The following POTEF variants were observed in gnomAD, a reference collection of about 807,000 sequenced individuals.
POTEF encodes the protein POTE ankyrin domain family member F, also known as ANKRD26-like family C member 1B.
In POTEF, 20 loss-of-function variants were observed where a neutral mutation model predicts 83.2. That is an observed-to-expected ratio of 0.24 (90% CI 0.17 to 0.35). The LOEUF is 0.35. Ranked by LOEUF, POTEF falls within the 10% of genes least tolerant of loss-of-function variation. POTEF has a pLI of 1.00. For synonymous variants in POTEF, 196 were observed against 446.4 expected (o/e 0.44, Z 7.07); for missense variants, 550 against 1,203.2 (o/e 0.46, Z 8.03).
Position 130,113,341 on chromosome 2 carries a change from CA to C in POTEF, c.811-1241del, listed in dbSNP as rs3030046. 2.2e-3 allele frequency among the ~76,000 whole-genome samples: 181 copies of C among 80,908 alleles called. 10 individuals are homozygous for C. The South Asian group carries it at 0.036, about 16-fold the overall frequency. The allele number at this position is 80,908 out of a possible 152,430, so 53.1% of individuals were successfully genotyped here. A position where few individuals can be genotyped will look rare whatever the true frequency, so the allele number is the denominator to read the frequency against. ...TGGGAAACAGAGTGAGACCCCATCT[CA>C]AAAAAAAAAAAAAGTCAGATTAATG... is the stretch of plus-strand genomic sequence containing the variant. On this transcript the variant is annotated intron_variant, in intron 5 of 16. Transcript: ENST00000409914.
At chr2:130,121,445 G>A (rs1222577503) in intron 2 of POTEF, among the ~76,000 whole-genome samples, 45 of 111,208 alleles carry the variant, frequency 4.0e-4, no homozygotes, top group African/African-American at 1.6e-3. Flanking sequence ...CTGGGAGCTC[G>A]GGCTGACGGA....
At chr2:130,119,388 A>G (rs1005596497) in intron 3 of POTEF, among the ~76,000 whole-genome samples, 33 of 151,998 alleles carry the variant, frequency 2.2e-4, no homozygotes, top group Non-Finnish European at 4.0e-4. Context: ...GGATGGTCTC[A>G]ATCTCCTGAC....
At chr2:130,104,670 T>G (rs1350065276) in intron 8 of POTEF, among the ~76,000 whole-genome samples, 1 of 151,622 alleles carries the variant, frequency 6.6e-6, no homozygotes, top group African/African-American at 2.4e-5. Context: ...CTCGCTCTTT[T>G]CTGGCAGCTG....
rs1684440225 is a variant in POTEF at position 130,103,843 on chromosome 2, T to C, written c.1127-1663A>G. Among the ~76,000 whole-genome samples, 3 of 138,978 alleles carry C rather than the reference T, an allele frequency of 2.2e-5. No individual in the cohort carries two copies. In the Admixed American group the frequency reaches 2.2e-4, roughly 10 times the overall value. The allele number at this position is 138,978 out of a possible 152,430, so 91.2% of individuals were successfully genotyped here. Reference sequence around the variant, plus strand: ...GCGAGGCCTGAAAGAGTGAAAGTATTTGCCTACAATAGGAGGATGAGTGAG... The same window carrying C: ...GCGAGGCCTGAAAGAGTGAAAGTATCTGCCTACAATAGGAGGATGAGTGAG... On this transcript the variant is annotated intron_variant, in intron 8 of 16. Transcript: ENST00000409914.
chr2:130,118,130 T>G (rs1684890169), intron 3 of POTEF, among the ~76,000 whole-genome samples: 1 of 151,662 alleles, frequency 6.6e-6, no homozygotes. Context: ...TTAGTAGAGA[T>G]GGGATTTCAC....
chr2:130,108,326 G>A (rs544646158), intron 7 of POTEF, among the ~76,000 whole-genome samples: 2,606 of 151,630 alleles, frequency 0.017, 40 homozygotes, highest in African/African-American at 0.061. Flanking sequence ...GCTAGCATTA[G>A]CATGACATAA....
Position 130,115,255 on chromosome 2 carries a change from G to A in POTEF, c.595C>T (p.Leu199Phe). The A allele has an allele frequency of 6.2e-7, 1 of 1,612,800 alleles. No homozygotes were observed. Among genetic ancestry groups the A allele is most frequent in the East Asian group, 2.2e-5 (1 of 44,878 alleles). Residue 199 changes from leucine (L) to phenylalanine (F), a missense_variant, in exon 4 of 17, where the codon CTT becomes TTT. Coordinates refer to ENST00000409914, the MANE Select transcript of POTEF (RefSeq NM_001099771.2). ...CTCTTTTTGTTGTCAAGGACATTAA[G>A]TTGACATCGTCTGTCCAGCAGGAGT... is the stretch of plus-strand genomic sequence containing the variant. ...VKLLLDRRCQ[L>F]NVLDNKKRTA...
intron 2 of POTEF, among the ~76,000 whole-genome samples, chr2:130,123,651 T>C (rs981113910): frequency 6.6e-6 from 1 of 151,766 alleles, no homozygotes; most frequent in Non-Finnish European, 1.5e-5. Flanking sequence ...ATAAAAAACA[T>C]ATCTATTATC....
Position 130,120,428 on chromosome 2 carries a change from G to T in POTEF, c.88C>A (p.Arg30Ser). 1 of 1,613,400 alleles carries T rather than the reference G, an allele frequency of 6.2e-7. No individual in the cohort carries two copies. Among genetic ancestry groups the T allele is most frequent in the Non-Finnish European group, 8.5e-7 (1 of 1,179,838 alleles). Residue 30 changes from arginine to serine, a missense_variant, in exon 3 of 17, where the codon CGT (arginine) becomes AGT (serine). Transcript: ENST00000409914. ...LRSKMGKWCCRCFPCCRESGK... is the reference protein window; with the variant it reads ...LRSKMGKWCCSCFPCCRESGK... ...CTCTCCCTGCAGCAGGGGAAGCAAC[G>T]GCAGCACCACTTGCCCATCTTGCTC...
chr2:130,120,987 C>T (rs1373260089), intron 2 of POTEF: 9 of 234,462 alleles, frequency 3.8e-5, no homozygotes, highest in Non-Finnish European at 6.4e-5. Flanking sequence ...CAAGCCATTA[C>T]AGGCCAGCCA....
At chr2:130,113,712 C>T (rs1384870381) in intron 5 of POTEF, among the ~76,000 whole-genome samples, 1 of 149,882 alleles carries the variant, frequency 6.7e-6, no homozygotes, top group Admixed American at 6.7e-5. Flanking sequence ...ATTAGACTTA[C>T]TGTATCAAAA....
Position 130,120,267 on chromosome 2 carries a change from A to C in POTEF, c.249T>G (p.Ser83=), listed in dbSNP as rs776425686. 1 of 1,602,126 alleles carries C rather than the reference A, an allele frequency of 6.2e-7. No individual in the cohort carries two copies. Among genetic ancestry groups the C allele is most frequent in the Non-Finnish European group, 8.5e-7 (1 of 1,176,828 alleles). The change falls in exon 3 of 17, where the codon TCT becomes TCG. Residue 83 remains serine, a synonymous_variant. Transcript: ENST00000409914. ...RGSGKSNVGA[S]GDHDDSAMKT... ...TCATAGCAGAGTCGTCGTGGTCTCC[A>C]GAAGCGCCCACGTTGCTCTTGCCAC...
chr2:130,092,583 G>T (rs1240961716), intron 12 of POTEF, among the ~76,000 whole-genome samples: 1 of 103,830 alleles, frequency 9.6e-6, no homozygotes, highest in Non-Finnish European at 1.8e-5. Context: ...ATTATAATCT[G>T]CTGACCCTTG....
intron 8 of POTEF, among the ~76,000 whole-genome samples, chr2:130,103,609 TACTC>T (rs1166078264): frequency 2.7e-5 from 4 of 149,068 alleles, no homozygotes; most frequent in Non-Finnish European, 5.9e-5. Context: ...AGCATCATCT[TACTC>T]ACATTTTACT....
chr2:130,107,129 T>G (rs1355850768), intron 8 of POTEF, among the ~76,000 whole-genome samples: 1 of 139,028 alleles, frequency 7.2e-6, no homozygotes, highest in African/African-American at 2.8e-5. Flanking sequence ...CGTGAAACGT[T>G]TTTCTGCTTT....
intron 7 of POTEF, 115 bp downstream of exon 7, chr2:130,110,428 C>A (rs139943570): frequency 6.3e-7 from 1 of 1,585,808 alleles, no homozygotes; most frequent in Non-Finnish European, 8.6e-7. Flanking sequence ...CTCACTGCCA[C>A]GCGAAAACTA....
In POTEF at chr2:130,075,065, C is replaced by G; in HGVS notation, c.2407G>C (p.Val803Leu). The change falls in exon 17 of 17, where the codon GTC (valine) becomes CTC (leucine). Residue 803 changes from valine (V) to leucine (L), a missense_variant. Physicochemically the swap from Val to Leu is conservative, Grantham distance 32. Transcript: ENST00000409914. ...ELRVAPEEHP[V>L]LLTEATLNPK... ...TTCAGGGTGGCCTCGGTCAGCAGGA[C>G]GGGGTGCTCCTCGGGAGCCACACGC... 1 of 1,613,638 alleles carries G rather than the reference C, an allele frequency of 6.2e-7. No homozygotes were observed. Among genetic ancestry groups the G allele is most frequent in the Non-Finnish European group, 8.5e-7 (1 of 1,179,866 alleles).
intron 7 of POTEF, among the ~76,000 whole-genome samples, chr2:130,110,003 G>A (rs963866232): frequency 6.6e-6 from 1 of 151,366 alleles, no homozygotes; most frequent in Non-Finnish European, 1.5e-5. Flanking sequence ...AAGGCAGCAG[G>A]ACCAGTTTGA....
chr2:130,107,985 G>A, intron 8 of POTEF, 24 bp downstream of exon 8: 7 of 1,605,784 alleles, frequency 4.4e-6, no homozygotes, highest in Non-Finnish European at 5.9e-6. Flanking sequence ...ACTGACTAAA[G>A]TAATTCACTA....
Sources: allele counts gnomAD v4.1 joint callset (sites outside exome capture counted in the v4.1 genomes callset), GRCh38; gene constraint gnomAD v4.1.1; transcripts MANE v1.5; gene names NCBI Gene and HGNC (gene_info 2026-07-23, HGNC 2026-07-21).